The following NLRP2 variants were observed in gnomAD, a reference collection of about 807,000 sequenced individuals.
The protein encoded by NLRP2 is NACHT, LRR and PYD domains-containing protein 2.
Under a neutral mutation model 97.2 loss-of-function variants are expected in NLRP2, and 107 were observed. The observed-to-expected ratio is 1.10, with a 90% CI of 0.94 to 1.29. The LOEUF is 1.29. Ranked by LOEUF, NLRP2 falls within the 50% of genes most tolerant of loss-of-function variation. The pLI, the probability that NLRP2 is intolerant of heterozygous loss-of-function variation, is 0.00. For missense variants in NLRP2, 1,495 were observed against 1,330.3 expected (o/e 1.12, Z -1.93); for synonymous variants, 663 against 551.5 (o/e 1.20, Z -2.83).
At chr19:54,972,774 A>G (rs2070948564) in intron 2 of NLRP2, among the ~76,000 whole-genome samples, 1 of 152,038 alleles carries the variant, frequency 6.6e-6, no homozygotes, top group Admixed American at 6.6e-5. Context: ...AGCTTTATTT[A>G]CAGTAACCAA....
intron 6 of NLRP2, among the ~76,000 whole-genome samples, chr19:54,984,329 G>GTGTGGTTTTTTTTTTTTTTTTTTTTT: frequency 1.3e-5 from 1 of 79,670 alleles, no homozygotes; most frequent in Non-Finnish European, 2.5e-5. Context: ...TTTTTTTTGT[G>GTGTGGTTTTTTTTTTTTTTTTTTTTT]TTTTTTTTTT....
At chr19:54,970,351 G>A in intron 2 of NLRP2, 56 bp downstream of exon 2, 2 of 1,606,148 alleles carry the variant, frequency 1.2e-6, no homozygotes, top group Non-Finnish European at 1.7e-6. Context: ...TCCTCTCCAG[G>A]ACTTTAGAAA....
chr19:54,982,895 G>T lies in NLRP2; in HGVS notation c.1197G>T (p.Ala399=). 3 of 1,613,096 alleles carry T rather than the reference G, an allele frequency of 1.9e-6. No homozygotes were observed. Among genetic ancestry groups the T allele is most frequent in the Non-Finnish European group, 1.7e-6 (2 of 1,180,000 alleles). The stretch of plus-strand genomic sequence containing the variant: ...TGTTCCAGCTGGGCTCGGCCCCCGC[G>T]GTGTGCTGGATCGTGTGCACGACTC... The part of the protein sequence containing the change: ...AALFQLGSAP[A]VCWIVCTTLK... Residue 399 remains alanine (A), a synonymous_variant, in exon 6 of 13, where the codon GCG becomes GCT. Coordinates refer to ENST00000448584, the MANE Select transcript of NLRP2 (RefSeq NM_017852.5).
chr19:54,998,631 CTTTTTTTTTTTTTT>C (rs1179005483), intron 12 of NLRP2, among the ~76,000 whole-genome samples: 1 of 61,126 alleles, frequency 1.6e-5, no homozygotes, highest in Non-Finnish European at 2.9e-5. Flanking sequence ...TTTTTTTTTC[CTTTTTTTTTTTTTT>C]TTTTTTTATT....
At position 54,970,061 on chromosome 19, in the gene NLRP2, G is replaced by A; in HGVS notation, c.46G>A (p.Glu16Lys). 1 of 1,614,036 alleles carries A rather than the reference G, an allele frequency of 6.2e-7. No homozygotes were observed. The highest frequency in any genetic ancestry group is 1.3e-5 in the African/African-American group (1 of 75,016). Reference protein sequence around the residue: ...QMGFNLQALLEQLSQDELSKF... With the variant: ...QMGFNLQALLKQLSQDELSKF... ...GGGCTTCAACCTGCAGGCTCTCCTG[G>A]AGCAGCTCAGCCAGGATGAGTTGAG... Residue 16 changes from glutamate (E) to lysine (K), a missense_variant, in exon 2 of 13, where the codon GAG becomes AAG. Coordinates refer to ENST00000448584, the MANE Select transcript of NLRP2 (RefSeq NM_017852.5).
intron 11 of NLRP2, among the ~76,000 whole-genome samples, chr19:54,996,006 C>G (rs73609931): frequency 6.8e-6 from 1 of 146,568 alleles, no homozygotes; most frequent in African/African-American, 2.5e-5. Flanking sequence ...CGTCACCTCA[C>G]TCCAGCCTGG....
In NLRP2 at chr19:54,994,310, TCA is replaced by T; in HGVS notation, c.2753_2754del (p.Thr918LysfsTer22). On this transcript the variant is annotated frameshift_variant, in exon 11 of 13. Coordinates refer to ENST00000448584, the MANE Select transcript of NLRP2 (RefSeq NM_017852.5). LOFTEE classifies it high-confidence loss of function. ...ATAACTAGCGATGGCTGCTGCGATC[TCA>T]CAAAGCTTCTCCAAGAAAAATCAAG... 1 of 1,614,178 alleles carries T rather than the reference TCA, an allele frequency of 6.2e-7. No individual in the cohort carries two copies. Among genetic ancestry groups the T allele is most frequent in the Non-Finnish European group, 8.5e-7 (1 of 1,180,032 alleles).
chr19:54,982,321 C>T lies in NLRP2; in HGVS notation c.623C>T (p.Thr208Met), dbSNP rs753374250. 34 of 1,613,990 alleles carry T rather than the reference C, an allele frequency of 2.1e-5. No individual in the cohort carries two copies. Among genetic ancestry groups the T allele is most frequent in the Admixed American group, 5.0e-5 (3 of 59,986 alleles). ...PRVLPGPFSY[T>M]VVLYGPAGLG... ...GTGCTTCCCGGGCCCTTCTCATACA[C>T]GGTGGTGCTGTATGGTCCTGCAGGC... The change falls in exon 6 of 13, where the codon ACG (threonine) becomes ATG (methionine). Residue 208 changes from threonine (T) to methionine (M), a missense_variant. Coordinates refer to ENST00000448584, the MANE Select transcript of NLRP2 (RefSeq NM_017852.5).
At chr19:54,984,485 C>CTTTTTTTTTTGTTTTTTTTTTTTTTT in intron 6 of NLRP2, among the ~76,000 whole-genome samples, 1 of 76,914 alleles carries the variant, frequency 1.3e-5, no homozygotes, top group African/African-American at 7.6e-5. Flanking sequence ...TATTCCCAAT[C>CTTTTTTTTTTGTTTTTTTTTTTTTTT]TTTTTTTTTT....
rs377520886 is a variant in NLRP2, at chr19:54,982,690, C to T, written c.992C>T (p.Ala331Val). The change falls in exon 6 of 13, where the codon GCC becomes GTC. Residue 331 changes from alanine to valine, a missense_variant. Coordinates refer to ENST00000448584, the MANE Select transcript of NLRP2 (RefSeq NM_017852.5). ...LLNRVMLPKA[A>V]LLVTTRPRAL... The stretch of plus-strand genomic sequence containing the variant: ...AACAGGGTGATGTTACCCAAGGCCG[C>T]CCTGCTGGTCACCACGCGGCCCAGG... 1.9e-6 allele frequency: 3 copies of T among 1,613,986 alleles called. No homozygotes were observed. The highest frequency in any genetic ancestry group is 2.7e-5 in the African/African-American group (2 of 74,938).
chr19:54,990,874 A>G (rs2072431691), intron 10 of NLRP2: 1 of 615,102 alleles, frequency 1.6e-6, no homozygotes, highest in African/African-American at 1.9e-5. Context: ...TTCTATAGGG[A>G]TTTGGGGAAT....
chr19:54,967,657 T>C (rs1171667107), intron 1 of NLRP2, among the ~76,000 whole-genome samples: 4 of 151,790 alleles, frequency 2.6e-5, no homozygotes, highest in African/African-American at 9.7e-5. Flanking sequence ...AAAAAAAATA[T>C]ATTGGAACAG....
At chr19:54,979,673 A>C (rs2071451696) in intron 4 of NLRP2, among the ~76,000 whole-genome samples, 1 of 152,104 alleles carries the variant, frequency 6.6e-6, no homozygotes, top group Non-Finnish European at 1.5e-5. Flanking sequence ...TGATACAGCA[A>C]GTATTTCTTG....
rs747136283 is a variant in NLRP2 at position 54,990,581 on chromosome 19, C to G, written c.2617C>G (p.Leu873Val). ...VLVVSRELTHLCLAKNPIGNT... is the reference protein window; with the variant it reads ...VLVVSRELTHVCLAKNPIGNT... ...GGTTGTCAGCCGGGAGCTGACACAC[C>G]TGTGCTTGGCCAAGAACCCCATTGG... Residue 873 changes from leucine to valine, a missense_variant, in exon 10 of 13, where the codon CTG becomes GTG. Physicochemically the swap from Leu to Val is conservative, Grantham distance 32. Coordinates refer to ENST00000448584, the MANE Select transcript of NLRP2 (RefSeq NM_017852.5). 2 of 1,614,164 alleles carry G rather than the reference C, an allele frequency of 1.2e-6. No individual in the cohort carries two copies. The highest frequency in any genetic ancestry group is 2.2e-5 in the East Asian group (1 of 44,888).
Position 54,977,740 on chromosome 19 carries a change from C to G in NLRP2, c.326-12C>G. 1 of 1,613,746 alleles carries G rather than the reference C, an allele frequency of 6.2e-7. No homozygotes were observed. Among genetic ancestry groups the G allele is most frequent in the Non-Finnish European group, 8.5e-7 (1 of 1,179,988 alleles). On this transcript the variant is annotated splice_polypyrimidine_tract_variant and intron_variant, in intron 3 of 12. Coordinates refer to ENST00000448584, the MANE Select transcript of NLRP2 (RefSeq NM_017852.5). ...ACAGCAACAGGCCTGTAATGCCGCC[C>G]TTTTTCTCCAGGGATAACACGGAAA... is the stretch of plus-strand genomic sequence containing the variant.
intron 2 of NLRP2, among the ~76,000 whole-genome samples, chr19:54,973,599 C>T (rs577397535): frequency 1.3e-5 from 2 of 152,142 alleles, no homozygotes; most frequent in South Asian, 4.1e-4. Flanking sequence ...GTCTCGAACT[C>T]CCGACCTCAG....
Position 54,994,256 on chromosome 19 carries a change from G to T in NLRP2, c.2709-13G>T. On this transcript the variant is annotated splice_polypyrimidine_tract_variant and intron_variant, in intron 10 of 12. Transcript: ENST00000448584. ...AGGTTCGGGTTTGCTTTCTTCCTGT[G>T]GTTGATTTCTAGGCTTTGGAACTGC... 1 of 1,613,998 alleles carries T rather than the reference G, an allele frequency of 6.2e-7. No individual in the cohort carries two copies. Among genetic ancestry groups the T allele is most frequent in the Non-Finnish European group, 8.5e-7 (1 of 1,179,926 alleles).
rs1174456585 is a variant in NLRP2 at position 54,983,432 on chromosome 19, A to T, written c.1734A>T (p.Ser578=). 6.2e-7 allele frequency: 1 copy of T among 1,614,182 alleles called. No homozygotes were observed. ...AGGCCACTTTTGGCTGCCGGATGTC[A>T]CCGGACATCAAACAGGAATTGCTGC... is the stretch of plus-strand genomic sequence containing the variant. ...ELEATFGCRM[S]PDIKQELLRC... is the part of the protein sequence containing the mutation. The change falls in exon 6 of 13, where the codon TCA becomes TCT. Residue 578 remains serine (S), a synonymous_variant. Coordinates refer to ENST00000448584, the MANE Select transcript of NLRP2 (RefSeq NM_017852.5).
chr19:54,984,568 C>T (rs575534184), intron 6 of NLRP2, among the ~76,000 whole-genome samples: 13 of 141,094 alleles, frequency 9.2e-5, no homozygotes, highest in South Asian at 4.4e-4. Context: ...CTGCAACCTC[C>T]GCCCCACCAG....
Sources: gnomAD v4.1 joint callset for allele counts (sites outside exome capture counted in the v4.1 genomes callset) on GRCh38, gnomAD v4.1.1 for gene constraint, MANE v1.5 for transcripts, NCBI Gene and HGNC (gene_info 2026-07-23, HGNC 2026-07-21) for gene names.